Variants in NOS1AP observed in about 807,000 individuals in gnomAD.
NOS1AP encodes nitric oxide synthase 1 adaptor protein, also known as carboxyl-terminal PDZ ligand of neuronal nitric oxide synthase protein.
Under a neutral mutation model 56.2 loss-of-function variants are expected in NOS1AP, and 21 were observed. The observed-to-expected ratio is 0.37, with a 90% CI of 0.26 to 0.54. The LOEUF (loss-of-function observed/expected upper bound fraction) is 0.54, where lower values mean the gene tolerates loss of function less well. NOS1AP is among the 20% of genes least tolerant of loss of function. The probability of loss-of-function intolerance (pLI) is 0.84; values close to 1 mark genes in which losing one functional copy is unlikely to be tolerated. For missense variants in NOS1AP, 522 were observed against 657.8 expected, an observed-to-expected ratio of 0.79 and a Z score of 2.26; for synonymous variants, 270 against 274.6, an observed-to-expected ratio of 0.98 and a Z score of 0.17.
intron 4 of NOS1AP, among the ~76,000 whole-genome samples, chr1:162,312,254 G>A (rs1172956106): frequency 5.0e-5 from 7 of 139,752 alleles, no homozygotes; most frequent in Admixed American, 3.6e-4. Flanking sequence ...GTTGTTTCCT[G>A]ACTTTTTAAT....
chr1:162,180,346 G>A (rs977585381), intron 2 of NOS1AP, among the ~76,000 whole-genome samples: 2 of 152,058 alleles, frequency 1.3e-5, no homozygotes, highest in Non-Finnish European at 2.9e-5. Context: ...CCGGGTTCAC[G>A]CCGTTCTTCT....
rs531959099 is a variant in NOS1AP at position 162,291,050 on chromosome 1, A to G, written c.270+3614A>G. ...CAAAAAAAAAAAAAACCCACAAAAGACAGCCCCTGGAGTCTGAGTGGGTCA... is the reference window on the plus strand; with the variant it reads ...CAAAAAAAAAAAAAACCCACAAAAGGCAGCCCCTGGAGTCTGAGTGGGTCA... On this transcript the variant is annotated intron_variant, in intron 3 of 9. Transcript: ENST00000361897. 3.3e-5 allele frequency among the ~76,000 whole-genome samples: 5 copies of G among 149,474 alleles called. No individual in the cohort carries two copies. The East Asian group carries it at 9.7e-4, about 29-fold the overall frequency.
intron 2 of NOS1AP, among the ~76,000 whole-genome samples, chr1:162,200,530 G>A (rs375312795): frequency 3.3e-5 from 5 of 152,152 alleles, no homozygotes; most frequent in East Asian, 1.9e-4. Context: ...ATTAGGGAGC[G>A]GAGAGGATTA....
chr1:162,287,941 A>G (rs1655144848), intron 3 of NOS1AP, among the ~76,000 whole-genome samples: 1 of 152,146 alleles, frequency 6.6e-6, no homozygotes, highest in African/African-American at 2.4e-5. Flanking sequence ...CTCAAGACCC[A>G]GCCACTGCTG....
At chr1:162,099,005 T>G (rs1482506214) in intron 1 of NOS1AP, among the ~76,000 whole-genome samples, 1 of 152,136 alleles carries the variant, frequency 6.6e-6, no homozygotes, top group Non-Finnish European at 1.5e-5. Context: ...ATAGAATGAT[T>G]TATATCTCTT....
intron 2 of NOS1AP, among the ~76,000 whole-genome samples, chr1:162,236,102 C>A (rs966067099): frequency 6.6e-6 from 1 of 152,166 alleles, no homozygotes; most frequent in Non-Finnish European, 1.5e-5. Flanking sequence ...TTCATTCGTT[C>A]CACAGATGTT....
intron 1 of NOS1AP, among the ~76,000 whole-genome samples, chr1:162,120,952 G>A (rs1648187982): frequency 6.6e-6 from 1 of 152,078 alleles, no homozygotes; most frequent in African/African-American, 2.4e-5. Context: ...CTCTGGCACT[G>A]TAATTTCCTG....
intron 2 of NOS1AP, among the ~76,000 whole-genome samples, chr1:162,284,250 A>G (rs1655022410): frequency 6.6e-6 from 1 of 152,244 alleles, no homozygotes; most frequent in Non-Finnish European, 1.5e-5. Context: ...AATGATAATA[A>G]ATATTCAAGC....
chr1:162,263,618 T>A (rs781610783), intron 2 of NOS1AP, among the ~76,000 whole-genome samples: 2 of 152,174 alleles, frequency 1.3e-5, no homozygotes, highest in Non-Finnish European at 2.9e-5. Context: ...ATTCTCTCTT[T>A]CCTCTTTTTA....
At chr1:162,268,315 C>T (rs901798428) in intron 2 of NOS1AP, among the ~76,000 whole-genome samples, 2 of 224 alleles carry the variant, frequency 8.9e-3, no homozygotes. Flanking sequence ...CCTGTAGCTC[C>T]CCCCCCCTAT....
At chr1:162,164,692 T>C (rs1650395869) in intron 2 of NOS1AP, among the ~76,000 whole-genome samples, 1 of 152,222 alleles carries the variant, frequency 6.6e-6, no homozygotes, top group South Asian at 2.1e-4. Flanking sequence ...TATCAAAAGT[T>C]TATTCCTTTT....
intron 5 of NOS1AP, among the ~76,000 whole-genome samples, chr1:162,341,298 A>G (rs1486418883): frequency 6.6e-6 from 1 of 152,210 alleles, no homozygotes; most frequent in Non-Finnish European, 1.5e-5. Context: ...CAAACTCAGT[A>G]GTGAATTTAG....
At chr1:162,162,826 C>T (rs916880322) in intron 2 of NOS1AP, among the ~76,000 whole-genome samples, 4 of 152,054 alleles carry the variant, frequency 2.6e-5, no homozygotes, top group African/African-American at 7.2e-5. Context: ...CCATATAACT[C>T]GCCCATTTAA....
In NOS1AP at chr1:162,124,186, T is replaced by C. The variant is rs1648375934; in HGVS notation, c.106-30219T>C. On this transcript the variant is annotated intron_variant, in intron 1 of 9. Coordinates refer to ENST00000361897, the MANE Select transcript of NOS1AP (RefSeq NM_014697.3). ...GTGGTTTGTGGTTACATGGATGCAT[T>C]GTATAGCGGTGAAGTCTGGGATTTT... Among the ~76,000 whole-genome samples the C allele has an allele frequency of 2.0e-5, 3 of 152,170 alleles. No individual in the cohort carries two copies. The South Asian group carries it at 6.2e-4, about 32-fold the overall frequency.
chr1:162,129,083 CT>C (rs1488854528), intron 1 of NOS1AP, among the ~76,000 whole-genome samples: 1 of 151,640 alleles, frequency 6.6e-6, no homozygotes, highest in Non-Finnish European at 1.5e-5. Context: ...TTTTAATGTT[CT>C]TGTCATTTCA....
intron 2 of NOS1AP, among the ~76,000 whole-genome samples, chr1:162,174,244 T>A (rs919534668): frequency 2.0e-5 from 3 of 151,872 alleles, no homozygotes; most frequent in African/African-American, 7.3e-5. Flanking sequence ...AAATGATGAG[T>A]TCATGTCCTT....
intron 3 of NOS1AP, among the ~76,000 whole-genome samples, chr1:162,295,041 T>C (rs1038810633): frequency 2.6e-5 from 4 of 152,098 alleles, no homozygotes; most frequent in Non-Finnish European, 2.9e-5. Context: ...TGGAAGGAGG[T>C]TGAAGACCAG....
chr1:162,356,855 T>C, intron 7 of NOS1AP, 105 bp from the exon 8 acceptor site: 4 of 1,604,672 alleles, frequency 2.5e-6, no homozygotes, highest in Non-Finnish European at 3.4e-6. Flanking sequence ...GCTTATGGGT[T>C]GTAAGTGTGC....
At chr1:162,204,565 C>G (rs1041076310) in intron 2 of NOS1AP, among the ~76,000 whole-genome samples, 5 of 152,178 alleles carry the variant, frequency 3.3e-5, no homozygotes, top group Non-Finnish European at 1.5e-5. Flanking sequence ...ACAGTTAGAG[C>G]TGGGAAGAGG....
Sources: allele counts gnomAD v4.1 joint callset (sites outside exome capture counted in the v4.1 genomes callset), GRCh38; gene constraint gnomAD v4.1.1; transcripts MANE v1.5; gene names NCBI Gene and HGNC (gene_info 2026-07-23, HGNC 2026-07-21).